Variants in P3H2 observed in about 807,000 individuals in gnomAD.
P3H2 encodes the protein leprecan-like 1.
A neutral mutation model predicts 87.0 loss-of-function variants in P3H2; 80 were observed. That is an observed-to-expected ratio of 0.92 (90% confidence interval 0.77 to 1.11). The LOEUF is 1.11. Among genes scored for constraint, P3H2 ranks in the 50% least tolerant of loss-of-function variants. The probability of loss-of-function intolerance (pLI) is 0.00; values close to 1 mark genes in which losing one functional copy is unlikely to be tolerated. For synonymous variants in P3H2, 367 were observed against 359.3 expected, an observed-to-expected ratio of 1.02 and a Z score of -0.24; for missense variants, 1,001 against 923.9, an observed-to-expected ratio of 1.08 and a Z score of -1.08.
intron 1 of P3H2, among the ~76,000 whole-genome samples, chr3:190,021,207 G>A (rs903518219): frequency 7.4e-6 from 1 of 134,568 alleles, no homozygotes; most frequent in Admixed American, 7.6e-5. Context: ...AACAAAAAGT[G>A]CTTGCGAGGT....
At chr3:190,047,652 T>C (rs969331942) in intron 1 of P3H2, among the ~76,000 whole-genome samples, 1 of 152,162 alleles carries the variant, frequency 6.6e-6, no homozygotes, top group Admixed American at 6.5e-5. Context: ...GAGGACAGTA[T>C]GTTAAGGTAA....
intron 8 of P3H2, 103 bp downstream of exon 8, chr3:189,982,943 A>G (rs1723582066): frequency 2.3e-6 from 2 of 868,666 alleles, no homozygotes; most frequent in East Asian, 2.4e-5. Context: ...CTTATTCTTT[A>G]TTTTCTAGAG....
At chr3:189,978,171 T>A (rs1723410651) in intron 8 of P3H2, among the ~76,000 whole-genome samples, 1 of 152,154 alleles carries the variant, frequency 6.6e-6, no homozygotes, top group South Asian at 2.1e-4. Context: ...GAAAGACAGA[T>A]GAGAGATTTA....
chr3:189,984,654 T>C, intron 6 of P3H2, 64 bp from the exon 7 acceptor site: 2 of 1,160,006 alleles, frequency 1.7e-6, no homozygotes, highest in Non-Finnish European at 2.6e-6. Flanking sequence ...ACTTACAGAA[T>C]TAAGATAAAA....
At chr3:189,978,741 C>T (rs1723429503) in intron 8 of P3H2, among the ~76,000 whole-genome samples, 1 of 151,172 alleles carries the variant, frequency 6.6e-6, no homozygotes, top group Non-Finnish European at 1.5e-5. Context: ...GCAAGTCAAC[C>T]AGCCTCCATA....
chr3:190,063,170 G>T (rs989169749), intron 1 of P3H2, among the ~76,000 whole-genome samples: 1 of 152,114 alleles, frequency 6.6e-6, no homozygotes, highest in African/African-American at 2.4e-5. Context: ...TGAAAATGGT[G>T]CCATGGGGTG....
intron 1 of P3H2, among the ~76,000 whole-genome samples, chr3:190,042,382 T>A (rs544567843): frequency 1.3e-5 from 2 of 152,192 alleles, no homozygotes; most frequent in African/African-American, 4.8e-5. Context: ...ACTCTGTGTG[T>A]CCTTGGTGTC....
chr3:189,969,876 G>A, intron 13 of P3H2: 1 of 1,225,370 alleles, frequency 8.2e-7, no homozygotes, highest in Admixed American at 1.7e-5. Flanking sequence ...GCACAGGAAA[G>A]GAAGCTGCAG....
chr3:190,019,160 G>C (rs1724857346), intron 1 of P3H2, among the ~76,000 whole-genome samples: 1 of 152,170 alleles, frequency 6.6e-6, no homozygotes, highest in African/African-American at 2.4e-5. Context: ...GGAAGGGCTA[G>C]TTAGACAAAC....
Position 190,004,584 on chromosome 3 carries a change from G to A in P3H2, c.481-9142C>T, listed in dbSNP as rs35240235. 8.1e-3 allele frequency among the ~76,000 whole-genome samples: 1,224 copies of A among 151,882 alleles called. 11 individuals carry two copies. The highest frequency in any genetic ancestry group is 0.012 in the Non-Finnish European group (819 of 67,914). On this transcript the variant is annotated intron_variant, in intron 1 of 14. Transcript: ENST00000319332. Reference sequence around the variant, plus strand: ...TTTTTAGTAGAGACGGGGTTTCACCGTCTTAGCCGGGATGGTCTCGATCTC... The same window carrying A: ...TTTTTAGTAGAGACGGGGTTTCACCATCTTAGCCGGGATGGTCTCGATCTC...
intron 1 of P3H2, among the ~76,000 whole-genome samples, chr3:190,119,826 T>G (rs1712461198): frequency 7.0e-6 from 1 of 141,976 alleles, no homozygotes; most frequent in African/African-American, 2.7e-5. Context: ...CAGACTACAG[T>G]ATAGGAAGGA....
chr3:189,978,277 A>G (rs927815519), intron 8 of P3H2, among the ~76,000 whole-genome samples: 1 of 152,220 alleles, frequency 6.6e-6, no homozygotes, highest in African/African-American at 2.4e-5. Context: ...TCAAAATATG[A>G]TTTTGAAAGT....
intron 8 of P3H2, 146 bp from the exon 9 acceptor site, chr3:189,974,831 A>G: frequency 1.1e-6 from 1 of 900,338 alleles, no homozygotes; most frequent in Admixed American, 1.9e-5. Flanking sequence ...GCAAATTAGG[A>G]AGCTTGATAA....
intron 1 of P3H2, among the ~76,000 whole-genome samples, chr3:190,113,848 C>T (rs1046236105): frequency 2.6e-5 from 4 of 152,016 alleles, no homozygotes; most frequent in African/African-American, 4.8e-5. Context: ...GAGGCCGAGG[C>T]GGGCGGATCA....
Position 189,957,749 on chromosome 3 carries a change from A to G in P3H2, c.*163T>C. 1 of 633,718 alleles carries G rather than the reference A, an allele frequency of 1.6e-6. No individual in the cohort carries two copies. The highest frequency in any genetic ancestry group is 1.9e-5 in the South Asian group (1 of 51,712). The allele number at this position is 633,718 out of a possible 1,614,324, so 39.3% of individuals were successfully genotyped here. ...GAAAACAACCCAAAACAAGAAAGAT[A>G]GATTGATAGATTGAGGCAACACAAG... is the stretch of plus-strand genomic sequence containing the variant. On this transcript the variant is annotated 3_prime_UTR_variant, in exon 15 of 15. Coordinates refer to ENST00000319332, the MANE Select transcript of P3H2 (RefSeq NM_018192.4).
At chr3:190,000,967 C>T (rs13092961) in intron 1 of P3H2, among the ~76,000 whole-genome samples, 44,724 of 152,106 alleles carry the variant, frequency 0.29, 7,025 homozygotes, top group East Asian at 0.49. Flanking sequence ...AGAGATGATG[C>T]TTTTACTTTG....
intron 8 of P3H2, among the ~76,000 whole-genome samples, chr3:189,981,734 T>A (rs1003478448): frequency 6.6e-6 from 1 of 152,212 alleles, no homozygotes; most frequent in Non-Finnish European, 1.5e-5. Context: ...GCAACTGTCC[T>A]GGAGTTTCCC....
intron 13 of P3H2, among the ~76,000 whole-genome samples, chr3:189,967,166 TAA>T (rs1723030388): frequency 6.6e-6 from 1 of 152,114 alleles, no homozygotes. Context: ...CGTTATTCCC[TAA>T]AATGCCACTG....
At chr3:189,965,275 C>T (rs534488399) in intron 13 of P3H2, among the ~76,000 whole-genome samples, 84 of 152,232 alleles carry the variant, frequency 5.5e-4, no homozygotes, top group African/African-American at 1.9e-3. Context: ...TAGGTACTCC[C>T]GGACTACGTG....
Sources: allele counts gnomAD v4.1 joint callset (sites outside exome capture counted in the v4.1 genomes callset), GRCh38; gene constraint gnomAD v4.1.1; transcripts MANE v1.5; gene names NCBI Gene and HGNC (gene_info 2026-07-23, HGNC 2026-07-21).